GPHN: variants seen among roughly 807,000 people sequenced by gnomAD.
GPHN encodes gephyrin.
In GPHN, 17 loss-of-function variants were observed where a neutral mutation model predicts 95.5. The ratio of observed to expected loss-of-function variants is 0.18; its 90% CI spans 0.12 to 0.27. The LOEUF (loss-of-function observed/expected upper bound fraction) is 0.27, where lower values mean the gene tolerates loss of function less well. Among genes scored for constraint, GPHN ranks in the 10% least tolerant of loss-of-function variants. The probability of loss-of-function intolerance (pLI) is 1.00; values close to 1 mark genes in which losing one functional copy is unlikely to be tolerated. For synonymous variants in GPHN, 320 were observed against 322.5 expected (o/e 0.99, Z 0.08); for missense variants, 660 against 978.1 (o/e 0.67, Z 4.34).
rs568513132 is a variant in GPHN, at chr14:67,044,550, T to G, written c.1007-14099T>G. Among the ~76,000 whole-genome samples the G allele has an allele frequency of 2.0e-4, 30 of 152,300 alleles. No homozygotes were observed. The South Asian group carries it at 4.8e-3, about 24-fold the overall frequency. Reference sequence around the variant, plus strand: ...TTCTTCTGTTGTTGACTAGCACTTTTCTGAATCTCTCAAGGTATAGCAAGA... The same window carrying G: ...TTCTTCTGTTGTTGACTAGCACTTTGCTGAATCTCTCAAGGTATAGCAAGA... On this transcript the variant is annotated intron_variant, in intron 10 of 22. Coordinates refer to ENST00000478722, the MANE Select transcript of GPHN (RefSeq NM_020806.5).
At chr14:67,516,916 AGTTT>A in the GPHN span, among the ~76,000 whole-genome samples, 1 of 152,150 alleles carries the variant, frequency 6.6e-6, no homozygotes, top group Admixed American at 6.5e-5. Context: ...CTTCCCCCTG[AGTTT>A]GTTTCCTTTT....
the GPHN span, among the ~76,000 whole-genome samples, chr14:67,584,712 G>T: frequency 2.6e-5 from 4 of 152,206 alleles, no homozygotes; most frequent in East Asian, 5.8e-4. Context: ...TCCAGTGCTG[G>T]TTGTTTGAGG....
chr14:67,469,273 G>A, the GPHN span, among the ~76,000 whole-genome samples: 3 of 152,086 alleles, frequency 2.0e-5, no homozygotes, highest in African/African-American at 7.2e-5. Flanking sequence ...CATGCCATTT[G>A]CGTTTAGCTG....
At chr14:66,939,005 A>C (rs1434645323) in intron 8 of GPHN, among the ~76,000 whole-genome samples, 1 of 152,222 alleles carries the variant, frequency 6.6e-6, no homozygotes, top group African/African-American at 2.4e-5. Flanking sequence ...AAAAGAATTA[A>C]TTTGAACTTT....
chr14:67,197,599 C>A, the GPHN span, among the ~76,000 whole-genome samples: 2 of 152,088 alleles, frequency 1.3e-5, no homozygotes, highest in Non-Finnish European at 2.9e-5. Context: ...CTTAGAGTCT[C>A]ATAAGGAGCG....
chr14:67,651,545 G>C, the GPHN span: 1 of 1,577,580 alleles, frequency 6.3e-7, no homozygotes, highest in Non-Finnish European at 8.6e-7. Context: ...TAAACATTTT[G>C]GGGTTAGACC....
At chr14:67,600,417 G>A in the GPHN span, 1 of 518,448 alleles carries the variant, frequency 1.9e-6, no homozygotes, top group Non-Finnish European at 3.4e-6. Flanking sequence ...AAACCTCGTC[G>A]GGGCAATAGT....
At chr14:67,376,586 G>A in the GPHN span, 1 of 1,613,340 alleles carries the variant, frequency 6.2e-7, no homozygotes, top group Non-Finnish European at 8.5e-7. Context: ...TAAGCATGCA[G>A]TCTCGTAAGA....
chr14:66,691,186 A>ATT (rs111841466), intron 2 of GPHN, among the ~76,000 whole-genome samples: 63 of 147,006 alleles, frequency 4.3e-4, no homozygotes, highest in African/African-American at 1.2e-3. Context: ...TACAATTTTT[A>ATT]TTTTTTTTTT....
chr14:66,924,390 A>G, intron 8 of GPHN, 98 bp downstream of exon 8: 1 of 744,852 alleles, frequency 1.3e-6, no homozygotes, highest in Non-Finnish European at 2.4e-6. Context: ...GTGTTGTTTT[A>G]TTCTGATGGA....
At chr14:67,691,197 A>G in the GPHN span, 1 of 1,614,108 alleles carries the variant, frequency 6.2e-7, no homozygotes, top group Non-Finnish European at 8.5e-7. Context: ...GAGTACGGAC[A>G]CATCATCACT....
At chr14:67,312,527 A>G in the GPHN span, 10 of 1,566,106 alleles carry the variant, frequency 6.4e-6, no homozygotes, top group Admixed American at 1.6e-4. Context: ...TATCTTTTAG[A>G]TCCATGTAAA....
the GPHN span, chr14:67,578,213 G>A: frequency 6.2e-7 from 1 of 1,610,368 alleles, no homozygotes; most frequent in Non-Finnish European, 8.5e-7. This position sits in a 1 kb window ranked among gnomAD's most constrained non-coding sequence, Gnocchi z 5.0. Flanking sequence ...GGCATGCCAG[G>A]GGTGGAGCAG....
At chr14:67,408,069 C>G in the GPHN span, among the ~76,000 whole-genome samples, 1 of 151,988 alleles carries the variant, frequency 6.6e-6, no homozygotes, top group Non-Finnish European at 1.5e-5. Flanking sequence ...GGTGGATCAC[C>G]TGAGGTTGGG....
intron 1 of GPHN, among the ~76,000 whole-genome samples, chr14:66,652,989 T>C (rs533343674): frequency 1.3e-4 from 20 of 152,294 alleles, no homozygotes; most frequent in African/African-American, 4.6e-4. Flanking sequence ...GTTCTCCCTG[T>C]CAATTCAGCT....
intron 2 of GPHN, among the ~76,000 whole-genome samples, chr14:66,728,567 G>C (rs896523637): frequency 2.6e-5 from 4 of 152,210 alleles, no homozygotes; most frequent in African/African-American, 9.6e-5. Flanking sequence ...AGTCAAAGGA[G>C]ATCATTTGAT....
the GPHN span, among the ~76,000 whole-genome samples, chr14:67,451,107 G>A: frequency 6.6e-6 from 1 of 152,224 alleles, no homozygotes; most frequent in African/African-American, 2.4e-5. Flanking sequence ...CTTCCACATG[G>A]TGTTGAGCCT....
chr14:67,373,696 T>C, the GPHN span, among the ~76,000 whole-genome samples: 1 of 152,174 alleles, frequency 6.6e-6, no homozygotes, highest in Non-Finnish European at 1.5e-5. Context: ...TTTCTTCAGG[T>C]TAAAAAGACT....
At chr14:66,536,692 G>T (rs1289053770) in intron 1 of GPHN, among the ~76,000 whole-genome samples, 1 of 152,174 alleles carries the variant, frequency 6.6e-6, no homozygotes, top group African/African-American at 2.4e-5. Flanking sequence ...ATTTGTGATT[G>T]ATAGATTCAT....
Sources: allele counts gnomAD v4.1 joint callset (sites outside exome capture counted in the v4.1 genomes callset), GRCh38; gene constraint gnomAD v4.1.1; non-coding constraint Gnocchi (gnomAD v3.1); transcripts MANE v1.5; gene names NCBI Gene and HGNC (gene_info 2026-07-23, HGNC 2026-07-21).